The following KIAA0319L variants were observed in gnomAD, a reference collection of about 807,000 sequenced individuals.
KIAA0319L encodes the protein KIAA0319 like.
A neutral mutation model predicts 120.1 loss-of-function variants in KIAA0319L; 55 were observed. The observed-to-expected ratio is 0.46, with a 90% CI of 0.37 to 0.57. The LOEUF (loss-of-function observed/expected upper bound fraction) is 0.57. KIAA0319L is among the 20% of genes least tolerant of loss of function. The pLI is 0.00. For missense variants in KIAA0319L, 1,049 were observed against 1,255.3 expected (o/e 0.84, Z 2.48); for synonymous variants, 398 against 471.9 (o/e 0.84, Z 2.03).
intron 5 of KIAA0319L, among the ~76,000 whole-genome samples, chr1:35,472,697 A>C (rs1436771961): frequency 1.3e-5 from 2 of 152,106 alleles, no homozygotes; most frequent in African/African-American, 4.8e-5. Flanking sequence ...CATCACCCCC[A>C]ACCTTTGGAA....
chr1:35,554,496 C>G lies in KIAA0319L; in HGVS notation c.-5G>C. The G allele has an allele frequency of 1.9e-6, 3 of 1,602,614 alleles. No homozygotes were observed. The highest frequency in any genetic ancestry group is 3.3e-4 in the Middle Eastern group (2 of 6,014). On this transcript the variant is annotated 5_prime_UTR_variant, in exon 2 of 21. Transcript: ENST00000325722. ...GACTCCCAGCCTCTTCTCCATGGCC[C>G]TCCAGACAGGCAGAACCAGTACACT...
At chr1:35,544,663 G>A (rs868620482) in intron 2 of KIAA0319L, among the ~76,000 whole-genome samples, 7 of 152,138 alleles carry the variant, frequency 4.6e-5, no homozygotes, top group Non-Finnish European at 8.8e-5. Context: ...ACTACAGCAG[G>A]TATAGTGCTA....
chr1:35,471,168 C>A lies in KIAA0319L; in HGVS notation c.1016-208G>T, dbSNP rs1643598772. ...CAGCTACAGTTAGGGCTTCTTCCAA[C>A]TCTCTCCCAACAATGCTTATTCCTG... On this transcript the variant is annotated intron_variant, in intron 5 of 20. Transcript: ENST00000325722. Among the ~76,000 whole-genome samples the A allele has an allele frequency of 2.0e-5, 3 of 152,326 alleles. No homozygotes were observed. In the East Asian group the frequency reaches 5.8e-4, roughly 29 times the overall value.
chr1:35,540,914 G>A (rs188766278), intron 2 of KIAA0319L, among the ~76,000 whole-genome samples: 5 of 152,168 alleles, frequency 3.3e-5, no homozygotes, highest in East Asian at 1.9e-4. Flanking sequence ...GGCAGAAACC[G>A]TATCTGTCTT....
In KIAA0319L at chr1:35,506,499, T is replaced by C. The variant is rs1385191765; in HGVS notation, c.666+113A>G. The C allele has an allele frequency of 5.8e-6, 6 of 1,029,400 alleles. No individual in the cohort carries two copies. Among genetic ancestry groups the C allele is most frequent in the Non-Finnish European group, 7.1e-6 (5 of 699,504 alleles). The allele number at this position is 1,029,400 out of a possible 1,614,324, so 63.8% of individuals were successfully genotyped here. ...AGCTGACACCAAGCAGCTTTATATA[T>C]ACACTCCTCAGCCTATGAGCACTGC... is the stretch of plus-strand genomic sequence containing the variant. On this transcript the variant is annotated intron_variant, in intron 3 of 20. Transcript: ENST00000325722. The surrounding 1 kb of genome is among the most constrained non-coding windows in gnomAD (Gnocchi z 4.0).
At chr1:35,507,615 G>C (rs912152853) in intron 2 of KIAA0319L, among the ~76,000 whole-genome samples, 1 of 152,140 alleles carries the variant, frequency 6.6e-6, no homozygotes, top group Non-Finnish European at 1.5e-5. Flanking sequence ...GGGACCAGAA[G>C]AACAGTTTCC....
chr1:35,470,492 C>CAAAA (rs34215571), intron 6 of KIAA0319L, among the ~76,000 whole-genome samples: 3 of 73,428 alleles, frequency 4.1e-5, no homozygotes, highest in Non-Finnish European at 5.2e-5. Flanking sequence ...GACCCTGTCT[C>CAAAA]AAAAAAAAAA....
intron 2 of KIAA0319L, among the ~76,000 whole-genome samples, chr1:35,507,472 A>G (rs1398064512): frequency 6.6e-6 from 1 of 152,196 alleles, no homozygotes; most frequent in Non-Finnish European, 1.5e-5. Context: ...AAGCATATGC[A>G]GGGAAGTGGC....
At chr1:35,440,857 G>A (rs1641156858) in intron 20 of KIAA0319L, 190 bp downstream of exon 20, 20 of 600,548 alleles carry the variant, frequency 3.3e-5, no homozygotes, top group Middle Eastern at 4.7e-4. Context: ...CACGCGAAGT[G>A]GGTCCTGGAG....
At chr1:35,539,921 C>T (rs1034982958) in intron 2 of KIAA0319L, among the ~76,000 whole-genome samples, 4 of 152,216 alleles carry the variant, frequency 2.6e-5, no homozygotes, top group African/African-American at 4.8e-5. Flanking sequence ...TGTTACCCCC[C>T]ACTCCATCTC....
At chr1:35,490,318 G>A (rs1040745388) in intron 3 of KIAA0319L, among the ~76,000 whole-genome samples, 4 of 152,096 alleles carry the variant, frequency 2.6e-5, no homozygotes, top group East Asian at 1.9e-4. Context: ...ATGCAGCTCC[G>A]GACTCACATG....
intron 3 of KIAA0319L, among the ~76,000 whole-genome samples, chr1:35,484,806 A>ATATATATTTTT (rs1381080295): frequency 1.2e-5 from 1 of 86,264 alleles, no homozygotes; most frequent in Middle Eastern, 5.1e-3. Context: ...ATATATATAT[A>ATATATATTTTT]TTTTTTTTTT....
At chr1:35,512,784 A>T (rs1001398360) in intron 2 of KIAA0319L, among the ~76,000 whole-genome samples, 3 of 148,602 alleles carry the variant, frequency 2.0e-5, no homozygotes, top group African/African-American at 7.5e-5. Flanking sequence ...CAGGAGAATC[A>T]CTTGCCTCAC....
chr1:35,552,303 C>T (rs189101188), intron 2 of KIAA0319L, among the ~76,000 whole-genome samples: 53 of 152,180 alleles, frequency 3.5e-4, no homozygotes, highest in African/African-American at 1.0e-3. Flanking sequence ...GATCGCACTG[C>T]GCCACTGCAC....
At chr1:35,534,298 C>T (rs955758062) in intron 2 of KIAA0319L, among the ~76,000 whole-genome samples, 1 of 152,170 alleles carries the variant, frequency 6.6e-6, no homozygotes, top group Admixed American at 6.5e-5. Context: ...TTCCCTTCAC[C>T]GTGGTATTTC....
intron 3 of KIAA0319L, among the ~76,000 whole-genome samples, chr1:35,501,462 T>A (rs891133278): frequency 1.3e-5 from 2 of 152,210 alleles, no homozygotes; most frequent in African/African-American, 2.4e-5. Context: ...TCAACTCTCA[T>A]TGCAGCTATC....
In KIAA0319L at chr1:35,450,517, A is replaced by C; in HGVS notation, c.2063-8T>G. 6.2e-7 allele frequency: 1 copy of C among 1,602,968 alleles called. No individual in the cohort carries two copies. The highest frequency in any genetic ancestry group is 1.1e-5 in the South Asian group (1 of 89,932). Reference sequence around the variant, plus strand: ...TAGGTGGTTTGTTTATTTCTAATCAAAAAGAAATCATTGACATAATGTGAC... The same window carrying C: ...TAGGTGGTTTGTTTATTTCTAATCACAAAGAAATCATTGACATAATGTGAC... On this transcript the variant is annotated splice_region_variant and splice_polypyrimidine_tract_variant and intron_variant, in intron 13 of 20. Coordinates refer to ENST00000325722, the MANE Select transcript of KIAA0319L (RefSeq NM_024874.5).
rs1645208950 is a variant in KIAA0319L, at chr1:35,506,489, G to A, written c.666+123C>T. 1 of 935,912 alleles carries A rather than the reference G, an allele frequency of 1.1e-6. No individual in the cohort carries two copies. The highest frequency in any genetic ancestry group is 2.4e-5 in the Admixed American group (1 of 42,408). The allele number at this position is 935,912 out of a possible 1,614,324, so 58.0% of individuals were successfully genotyped here. On this transcript the variant is annotated intron_variant, in intron 3 of 20. Coordinates refer to ENST00000325722, the MANE Select transcript of KIAA0319L (RefSeq NM_024874.5). This position sits in a 1 kb window ranked among gnomAD's most constrained non-coding sequence, Gnocchi z 4.0. ...GCACCAAAGAAGCTGACACCAAGCA[G>A]CTTTATATATACACTCCTCAGCCTA...
chr1:35,531,536 T>C (rs1200932560), intron 2 of KIAA0319L, among the ~76,000 whole-genome samples: 3 of 152,168 alleles, frequency 2.0e-5, no homozygotes, highest in East Asian at 3.9e-4. Context: ...GTGCATTCCC[T>C]TTCTGGAGCA....
Sources: allele counts gnomAD v4.1 joint callset (sites outside exome capture counted in the v4.1 genomes callset), GRCh38; gene constraint gnomAD v4.1.1; non-coding constraint Gnocchi (gnomAD v3.1); transcripts MANE v1.5; gene names NCBI Gene and HGNC (gene_info 2026-07-23, HGNC 2026-07-21).